SLC9A1: variants seen among roughly 807,000 people sequenced by gnomAD.
SLC9A1 encodes the protein sodium/hydrogen exchanger 1.
SLC9A1 carries 22 observed loss-of-function variants against 67.9 expected under a neutral mutation model. The ratio of observed to expected loss-of-function variants is 0.32; its 90% CI spans 0.23 to 0.46. The LOEUF is 0.46. Among genes scored for constraint, SLC9A1 ranks in the 20% least tolerant of loss-of-function variants. SLC9A1 has a pLI of 1.00. For synonymous variants in SLC9A1, 421 were observed against 471.8 expected, an observed-to-expected ratio of 0.89 and a Z score of 1.40; for missense variants, 686 against 1,094.8, an observed-to-expected ratio of 0.63 and a Z score of 5.27.
At position 27,101,210 on chromosome 1, in the gene SLC9A1, G is replaced by A. The variant is rs547605711; in HGVS notation, c.2103C>T (p.Ile701=). 3 of 1,610,600 alleles carry A rather than the reference G, an allele frequency of 1.9e-6. No homozygotes were observed. The highest frequency in any genetic ancestry group is 2.2e-5 in the South Asian group (2 of 91,058). The change falls in exon 11 of 12, where the codon ATC becomes ATT. Residue 701 remains isoleucine, a synonymous_variant. Coordinates refer to ENST00000263980, the MANE Select transcript of SLC9A1 (RefSeq NM_003047.5). This position sits in a 1 kb window ranked among gnomAD's most constrained non-coding sequence, Gnocchi z 4.9. ...CCCTCGCCAGGCCCTTACCTGAGCC[G>A]ATGCGGGCCCGAGACATGGTGGGTG... ...LDSPTMSRAR[I]GSDPLAYEPK...
At chr1:27,116,202 A>G (rs2083271147) in intron 1 of SLC9A1, among the ~76,000 whole-genome samples, 3 of 152,152 alleles carry the variant, frequency 2.0e-5, no homozygotes, top group Admixed American at 1.3e-4. Flanking sequence ...TCTACTAAAA[A>G]TATAAAAATT....
In SLC9A1 at chr1:27,113,907, A is replaced by G. The variant is rs2083247429; in HGVS notation, c.732T>C (p.Ala244=). Residue 244 remains alanine, a synonymous_variant, in exon 2 of 12, where the codon GCT becomes GCC. Transcript: ENST00000263980. ...CATTGATGTGAATTTCCTCAAAGAC[A>G]GCCAGAACCGCCACGGGGTCCACGG... is the stretch of plus-strand genomic sequence containing the variant. ...ISAVDPVAVL[A]VFEEIHINEL... The G allele has an allele frequency of 6.2e-7, 1 of 1,614,236 alleles. No individual in the cohort carries two copies. Among genetic ancestry groups the G allele is most frequent in the Non-Finnish European group, 8.5e-7 (1 of 1,180,040 alleles).
chr1:27,108,130 G>A (rs1234530532), intron 3 of SLC9A1, among the ~76,000 whole-genome samples: 13 of 148,778 alleles, frequency 8.7e-5, no homozygotes, highest in Non-Finnish European at 1.6e-4. Flanking sequence ...GCAGTGGCGC[G>A]ATCTTGGCTC....
chr1:27,099,971 G>A lies in SLC9A1; in HGVS notation c.*336C>T. On this transcript the variant is annotated 3_prime_UTR_variant, in exon 12 of 12. Coordinates refer to ENST00000263980, the MANE Select transcript of SLC9A1 (RefSeq NM_003047.5). ...GACTCTTTGGTTAGAAACTAAGATT[G>A]GTCTGAATGAGGAGGAGGATGAGGC... 1 of 295,972 alleles carries A rather than the reference G, an allele frequency of 3.4e-6. No homozygotes were observed. The highest frequency in any genetic ancestry group is 6.3e-6 in the Non-Finnish European group (1 of 159,742). The allele number at this position is 295,972 out of a possible 1,614,324, so 18.3% of individuals were successfully genotyped here.
intron 1 of SLC9A1, among the ~76,000 whole-genome samples, chr1:27,151,437 T>C (rs1486027409): frequency 1.3e-5 from 2 of 152,158 alleles, no homozygotes; most frequent in Non-Finnish European, 2.9e-5. Context: ...CTTGGCTCAC[T>C]GCAACCTCCG....
intron 1 of SLC9A1, among the ~76,000 whole-genome samples, chr1:27,123,145 AAT>A (rs2083316421): frequency 6.6e-6 from 1 of 152,182 alleles, no homozygotes; most frequent in Admixed American, 6.5e-5. Flanking sequence ...TCAAAATGGA[AAT>A]ATATTATATT....
rs370905203 is a variant in SLC9A1, at chr1:27,101,876, C to A, written c.1936-50G>T. ...AGTGCGGGCCCCGGAAGGCTCTGCT[C>A]ATGGAGGGGTGGGGGCAGTGCTGGA... On this transcript the variant is annotated intron_variant, in intron 9 of 11. Coordinates refer to ENST00000263980, the MANE Select transcript of SLC9A1 (RefSeq NM_003047.5). The surrounding 1 kb of genome is among the most constrained non-coding windows in gnomAD (Gnocchi z 4.9). 26 of 1,502,160 alleles carry A rather than the reference C, an allele frequency of 1.7e-5. No homozygotes were observed. The African/African-American group carries it at 3.0e-4, about 18-fold the overall frequency. The allele number at this position is 1,502,160 out of a possible 1,614,324, so 93.1% of individuals were successfully genotyped here. A position where few individuals can be genotyped will look rare whatever the true frequency, so the allele number is the denominator to read the frequency against.
At chr1:27,141,745 C>G (rs560380988) in intron 1 of SLC9A1, among the ~76,000 whole-genome samples, 3 of 152,310 alleles carry the variant, frequency 2.0e-5, no homozygotes, top group African/African-American at 7.2e-5. Context: ...CTGCTCCCCT[C>G]CCCCATCTTG....
In SLC9A1 at chr1:27,102,575, G is replaced by A; in HGVS notation, c.1647-17C>T. ...CGGTTGAGCCTGGTGGGAGGAGGAGGGAGACGGATGGCGCCAGCTTCCAGG... is the reference window on the plus strand; with the variant it reads ...CGGTTGAGCCTGGTGGGAGGAGGAGAGAGACGGATGGCGCCAGCTTCCAGG... On this transcript the variant is annotated splice_polypyrimidine_tract_variant and intron_variant, in intron 7 of 11. Transcript: ENST00000263980. 1.9e-6 allele frequency: 3 copies of A among 1,609,148 alleles called. No individual in the cohort carries two copies. Among genetic ancestry groups the A allele is most frequent in the East Asian group, 4.5e-5 (2 of 44,750 alleles).
At position 27,103,225 on chromosome 1, in the gene SLC9A1, G is replaced by T; in HGVS notation, c.1573C>A (p.Gln525Lys). 6.2e-7 allele frequency: 1 copy of T among 1,610,932 alleles called. No homozygotes were observed. Among genetic ancestry groups the T allele is most frequent in the South Asian group, 1.1e-5 (1 of 91,022 alleles). ...KRSINEEIHTQFLDHLLTGIE... is the reference protein window; with the variant it reads ...KRSINEEIHTKFLDHLLTGIE... ...GGGCCCAGCCCGCACTCCAGTACCT[G>T]TGTGTGGATCTCTTCGTTGATGGAG... Residue 525 changes from glutamine to lysine, a missense_variant and splice_region_variant, in exon 6 of 12, where the codon CAG becomes AAG. Physicochemically the swap from Gln to Lys is moderately conservative, Grantham distance 53 (BLOSUM62 1). This residue lies in a region of SLC9A1 where 168 missense variants were observed against 375.4 expected (regional missense o/e 0.45). Coordinates refer to ENST00000263980, the MANE Select transcript of SLC9A1 (RefSeq NM_003047.5).
At chr1:27,150,661 GGA>G (rs2083520517) in intron 1 of SLC9A1, among the ~76,000 whole-genome samples, 2 of 152,064 alleles carry the variant, frequency 1.3e-5, no homozygotes, top group African/African-American at 4.8e-5. Flanking sequence ...TGACTGCTGG[GGA>G]GAGAAAAAAG....
intron 1 of SLC9A1, among the ~76,000 whole-genome samples, chr1:27,152,338 T>C (rs2124221558): frequency 6.6e-6 from 1 of 152,280 alleles, no homozygotes; most frequent in South Asian, 2.1e-4. Context: ...CTGAATGCCC[T>C]AATGTAATGC....
chr1:27,132,972 G>A (rs932692364), intron 1 of SLC9A1, among the ~76,000 whole-genome samples: 3 of 152,238 alleles, frequency 2.0e-5, no homozygotes, highest in African/African-American at 4.8e-5. Context: ...ACCTGGCCCC[G>A]TACCATGGAA....
chr1:27,128,728 C>T (rs1219425120), intron 1 of SLC9A1, among the ~76,000 whole-genome samples: 5 of 151,298 alleles, frequency 3.3e-5, no homozygotes, highest in Admixed American at 2.0e-4. Context: ...GACGCCAAGG[C>T]GGGCGGATCA....
chr1:27,102,533 C>T lies in SLC9A1; in HGVS notation c.1672G>A (p.Val558Met), dbSNP rs1181465550. The part of the protein sequence containing the change: ...DKLNRFNKKY[V>M]KKCLIAGERS... Reference sequence around the variant, plus strand: ...TCGCCAGCTATCAGACACTTCTTCACATATTTCTTATTAAACCGGTTGAGC... The same window carrying T: ...TCGCCAGCTATCAGACACTTCTTCATATATTTCTTATTAAACCGGTTGAGC... The change falls in exon 8 of 12, where the codon GTG (valine) becomes ATG (methionine). Residue 558 changes from valine to methionine, a missense_variant. Val to Met is a conservative substitution (Grantham distance 21). This residue lies in a region of SLC9A1 where 168 missense variants were observed against 375.4 expected (regional missense o/e 0.45). Transcript: ENST00000263980. The T allele has an allele frequency of 1.9e-6, 3 of 1,608,192 alleles. No homozygotes were observed. The highest frequency in any genetic ancestry group is 2.6e-6 in the Non-Finnish European group (3 of 1,175,466).
rs775931468 is a variant in SLC9A1 at position 27,113,921 on chromosome 1, C to T, written c.718G>A (p.Val240Met). 5 of 1,614,208 alleles carry T rather than the reference C, an allele frequency of 3.1e-6. No individual in the cohort carries two copies. Among genetic ancestry groups the T allele is most frequent in the South Asian group, 1.1e-5 (1 of 91,086 alleles). The change falls in exon 2 of 12, where the codon GTG (valine) becomes ATG (methionine). Residue 240 changes from valine to methionine, a missense_variant. This residue lies in a region of SLC9A1 where 13 missense variants were observed against 56.6 expected (regional missense o/e 0.23). Coordinates refer to ENST00000263980, the MANE Select transcript of SLC9A1 (RefSeq NM_003047.5). ...TCCTCAAAGACAGCCAGAACCGCCA[C>T]GGGGTCCACGGCCGAGATGATGCTG... ...FGSIISAVDP[V>M]AVLAVFEEIH...
intron 2 of SLC9A1, among the ~76,000 whole-genome samples, chr1:27,112,529 T>C (rs1006750866): frequency 5.9e-5 from 9 of 152,196 alleles, no homozygotes; most frequent in Admixed American, 1.3e-4. Context: ...CAGGTGTATA[T>C]GGTGCTACCA....
chr1:27,153,399 C>G (rs920363770), intron 1 of SLC9A1, among the ~76,000 whole-genome samples: 1 of 152,104 alleles, frequency 6.6e-6, no homozygotes. Context: ...CCTGGACAAG[C>G]AAAGCTGACA....
At chr1:27,104,496 T>G (rs2124134219) in intron 5 of SLC9A1, among the ~76,000 whole-genome samples, 1 of 152,232 alleles carries the variant, frequency 6.6e-6, no homozygotes, top group South Asian at 2.1e-4. Context: ...CAAGCTATCC[T>G]CCCACCTCAG....
Sources: allele counts gnomAD v4.1 joint callset (sites outside exome capture counted in the v4.1 genomes callset), GRCh38; gene constraint gnomAD v4.1.1; regional missense constraint gnomAD v4.1.1; non-coding constraint Gnocchi (gnomAD v3.1); transcripts MANE v1.5; gene names NCBI Gene and HGNC (gene_info 2026-07-23, HGNC 2026-07-21).